The following NUGGC variants were observed in gnomAD, a reference collection of about 807,000 sequenced individuals.
NUGGC encodes the protein nuclear GTPase, germinal center associated, also known as nuclear GTPase SLIP-GC.
In NUGGC, 58 loss-of-function variants were observed where a neutral mutation model predicts 92.6. The observed-to-expected ratio is 0.63, with a 90% CI of 0.51 to 0.78. The LOEUF (loss-of-function observed/expected upper bound fraction) is 0.78. Ranked by LOEUF, NUGGC falls within the 30% of genes least tolerant of loss-of-function variation. The pLI is 0.00. For synonymous variants in NUGGC, 376 were observed against 366.4 expected (o/e 1.03, Z -0.30); for missense variants, 925 against 964.6 (o/e 0.96, Z 0.54).
intron 13 of NUGGC, among the ~76,000 whole-genome samples, chr8:28,039,736 C>G (rs1809645202): frequency 6.6e-6 from 1 of 152,272 alleles, no homozygotes; most frequent in East Asian, 1.9e-4. Flanking sequence ...AACCACAGAC[C>G]ATCCATGCAC....
chr8:28,078,431 G>T (rs1025825767), intron 1 of NUGGC, among the ~76,000 whole-genome samples: 6 of 152,144 alleles, frequency 3.9e-5, no homozygotes, highest in African/African-American at 9.7e-5. Context: ...ATAGTCATTG[G>T]GTTGAACTAA....
chr8:28,053,649 A>C (rs1810062654), intron 10 of NUGGC, among the ~76,000 whole-genome samples: 1 of 152,174 alleles, frequency 6.6e-6, no homozygotes, highest in South Asian at 2.1e-4. Flanking sequence ...AGCTATAGTC[A>C]CCCTGCAAAC....
At chr8:28,036,728 G>A (rs970252583) in intron 13 of NUGGC, among the ~76,000 whole-genome samples, 2 of 152,180 alleles carry the variant, frequency 1.3e-5, no homozygotes, top group Non-Finnish European at 2.9e-5. Context: ...TCATTGAGAT[G>A]TCCTTCAGAT....
intron 15 of NUGGC, 74 bp from the exon 16 acceptor site, chr8:28,030,492 G>T: frequency 1.3e-6 from 1 of 761,432 alleles, no homozygotes; most frequent in South Asian, 1.5e-5. Flanking sequence ...CCCAGTGCAT[G>T]GCCACCATTC....
At chr8:28,037,820 A>G (rs2130108985) in intron 13 of NUGGC, among the ~76,000 whole-genome samples, 1 of 152,260 alleles carries the variant, frequency 6.6e-6, no homozygotes, top group African/African-American at 2.4e-5. Context: ...ACCGGGAGTG[A>G]TTTTGTCACA....
At position 28,045,605 on chromosome 8, in the gene NUGGC, C is replaced by T; in HGVS notation, c.1368G>A (p.Arg456=). 1 of 1,613,114 alleles carries T rather than the reference C, an allele frequency of 6.2e-7. No homozygotes were observed. The highest frequency in any genetic ancestry group is 8.5e-7 in the Non-Finnish European group (1 of 1,179,634). Reference sequence around the variant, plus strand: ...CTTCAGTCACATACTTGGTCACTGTCCTCTTCTTCTTGTCCAAGAGGCTCT... The same window carrying T: ...CTTCAGTCACATACTTGGTCACTGTTCTCTTCTTCTTGTCCAAGAGGCTCT... ...IRKSLLDKKK[R]TVTKYVTEAF... The change falls in exon 12 of 19, where the codon AGG becomes AGA. Residue 456 remains arginine, a synonymous_variant. Transcript: ENST00000413272.
chr8:28,051,610 G>A (rs899328399), intron 10 of NUGGC, among the ~76,000 whole-genome samples: 3 of 152,146 alleles, frequency 2.0e-5, no homozygotes, highest in Non-Finnish European at 2.9e-5. Flanking sequence ...ATAAAAAGTC[G>A]TGTGACAGTT....
chr8:28,070,017 G>T, intron 3 of NUGGC: 1 of 782,074 alleles, frequency 1.3e-6, no homozygotes, highest in Non-Finnish European at 1.6e-6. Flanking sequence ...CATTTTCACA[G>T]GCTTTGTTCT....
chr8:28,068,149 A>C, intron 5 of NUGGC, 67 bp downstream of exon 5: 1 of 907,614 alleles, frequency 1.1e-6, no homozygotes, highest in Non-Finnish European at 1.7e-6. Flanking sequence ...GAAGGAGGGA[A>C]CGAAAAAGGA....
intron 13 of NUGGC, among the ~76,000 whole-genome samples, chr8:28,034,137 G>A (rs1465496959): frequency 6.6e-6 from 1 of 152,152 alleles, no homozygotes; most frequent in Admixed American, 6.5e-5. Flanking sequence ...TGCTATGACC[G>A]GACAATAAGT....
rs879197439 is a variant in NUGGC at position 28,064,459 on chromosome 8, G to T, written c.921+63C>A. On this transcript the variant is annotated intron_variant, in intron 7 of 18. Coordinates refer to ENST00000413272, the MANE Select transcript of NUGGC (RefSeq NM_001010906.2). ...TGAAGCTGAAACCAGAGCATTCTTT[G>T]TTGCTTGAGAAAGGGTAGAGGAGTT... 3.7e-6 allele frequency: 5 copies of T among 1,344,476 alleles called. No homozygotes were observed. In the South Asian group the frequency reaches 4.9e-5, roughly 13 times the overall value. 83.3% of individuals were successfully genotyped at this position (1,344,476 alleles called of 1,614,324 possible).
At chr8:28,048,999 C>T (rs1028820679) in intron 10 of NUGGC, among the ~76,000 whole-genome samples, 12 of 147,730 alleles carry the variant, frequency 8.1e-5, no homozygotes, top group Non-Finnish European at 1.6e-4. Context: ...ATTCTTCTTA[C>T]TTAAAAAAAA....
At chr8:28,059,221 G>A (rs1165668533) in intron 8 of NUGGC, among the ~76,000 whole-genome samples, 1 of 152,136 alleles carries the variant, frequency 6.6e-6, no homozygotes, top group African/African-American at 2.4e-5. Flanking sequence ...TGTTGGAGGT[G>A]AGACGCATCC....
chr8:28,054,129 C>T (rs1378756672), intron 10 of NUGGC, among the ~76,000 whole-genome samples: 2 of 152,108 alleles, frequency 1.3e-5, no homozygotes, highest in African/African-American at 4.8e-5. Flanking sequence ...TCTGATATAT[C>T]CCTTATGTTG....
chr8:28,061,081 C>CTAAAA (rs1467212684), intron 7 of NUGGC, among the ~76,000 whole-genome samples: 2 of 152,226 alleles, frequency 1.3e-5, no homozygotes, highest in Non-Finnish European at 2.9e-5. Flanking sequence ...CCTCCAGTCC[C>CTAAAA]AGTCCCAGAT....
chr8:28,030,255 G>A, intron 16 of NUGGC, 55 bp downstream of exon 16: 1 of 961,048 alleles, frequency 1.0e-6, no homozygotes, highest in Non-Finnish European at 1.6e-6. Flanking sequence ...GGATGCGAAA[G>A]ATGCTGACAG....
chr8:28,059,295 A>G (rs1306321508), intron 8 of NUGGC, among the ~76,000 whole-genome samples: 1 of 152,136 alleles, frequency 6.6e-6, no homozygotes, highest in East Asian at 1.9e-4. Flanking sequence ...ATACCCGCTG[A>G]TCCCCTCTAA....
chr8:28,066,955 T>G (rs1394364372), intron 6 of NUGGC, among the ~76,000 whole-genome samples: 1 of 152,224 alleles, frequency 6.6e-6, no homozygotes, highest in Non-Finnish European at 1.5e-5. Flanking sequence ...CACAGAAATT[T>G]GTCAGAGGTA....
At chr8:28,051,823 G>A (rs906443736) in intron 10 of NUGGC, among the ~76,000 whole-genome samples, 1 of 152,226 alleles carries the variant, frequency 6.6e-6, no homozygotes, top group Non-Finnish European at 1.5e-5. Flanking sequence ...TTGGGAGGCT[G>A]AGGCAGGAGA....
Sources: gnomAD v4.1 joint callset for allele counts (sites outside exome capture counted in the v4.1 genomes callset) on GRCh38, gnomAD v4.1.1 for gene constraint, MANE v1.5 for transcripts, NCBI Gene and HGNC (gene_info 2026-07-23, HGNC 2026-07-21) for gene names.